The following ZDHHC3 variants were observed in gnomAD, a reference collection of about 807,000 sequenced individuals.
The protein encoded by ZDHHC3 is zDHHC palmitoyltransferase 3, also known as palmitoyltransferase ZDHHC3.
A neutral mutation model predicts 30.6 loss-of-function variants in ZDHHC3; 9 were observed. The ratio of observed to expected loss-of-function variants is 0.29; its 90% CI spans 0.18 to 0.51. ZDHHC3 has a LOEUF of 0.51. ZDHHC3 is among the 20% of genes least tolerant of loss of function. ZDHHC3 has a pLI of 0.97. For synonymous variants in ZDHHC3, 136 were observed against 140.2 expected (o/e 0.97, Z 0.21); for missense variants, 246 against 384.2 (o/e 0.64, Z 3.01).
Position 44,922,171 on chromosome 3 carries a change from T to A in ZDHHC3, c.*4518A>T, listed in dbSNP as rs1313033915. 1 of 985,430 alleles carries A rather than the reference T, an allele frequency of 1.0e-6. No homozygotes were observed. Among genetic ancestry groups the A allele is most frequent in the Non-Finnish European group, 1.2e-6 (1 of 829,936 alleles). The allele number at this position is 985,430 out of a possible 1,614,324, so 61.0% of individuals were successfully genotyped here. On this transcript the variant is annotated 3_prime_UTR_variant, in exon 7 of 7. Transcript: ENST00000424952. ...TTCTATGAGGTGATCCTAAGCCAGA[T>A]ACATATTTAAAGAATACAAGAAAAA... is the stretch of plus-strand genomic sequence containing the variant.
chr3:44,975,054 A>ATTTTTTT (rs75953495), intron 1 of ZDHHC3, among the ~76,000 whole-genome samples: 2 of 144,514 alleles, frequency 1.4e-5, no homozygotes, highest in Non-Finnish European at 3.0e-5. Flanking sequence ...GATAAATACC[A>ATTTTTTT]TTTTTTTTTT....
Position 44,920,341 on chromosome 3 carries a change from T to C in ZDHHC3, c.*6348A>G. On this transcript the variant is annotated 3_prime_UTR_variant, in exon 7 of 7. Transcript: ENST00000424952. The stretch of plus-strand genomic sequence containing the variant: ...TTCCTGGGTGATCATCTGCAGCCTG[T>C]TGAGAAAGAGGCTTTAACTTCATAG... 1 of 1,289,730 alleles carries C rather than the reference T, an allele frequency of 7.8e-7. No individual in the cohort carries two copies. Among genetic ancestry groups the C allele is most frequent in the Non-Finnish European group, 1.0e-6 (1 of 988,792 alleles). 79.9% of individuals were successfully genotyped at this position (1,289,730 alleles called of 1,614,324 possible).
Position 44,925,093 on chromosome 3 carries a change from C to A in ZDHHC3, c.*1596G>T, listed in dbSNP as rs1700875754. ...CAGAGCAATGAAACAAACACCCAAC[C>A]AGAGAAAACTCAAGTAGATTGTGGA... On this transcript the variant is annotated 3_prime_UTR_variant, in exon 7 of 7. Coordinates refer to ENST00000424952, the MANE Select transcript of ZDHHC3 (RefSeq NM_001135179.2). 1 of 985,872 alleles carries A rather than the reference C, an allele frequency of 1.0e-6. No homozygotes were observed. The highest frequency in any genetic ancestry group is 1.2e-6 in the Non-Finnish European group (1 of 829,940). The allele number at this position is 985,872 out of a possible 1,614,324, so 61.1% of individuals were successfully genotyped here. A position where few individuals can be genotyped will look rare whatever the true frequency, so the allele number is the denominator to read the frequency against.
At chr3:44,968,579 C>T (rs955054040) in intron 1 of ZDHHC3, among the ~76,000 whole-genome samples, 1 of 152,052 alleles carries the variant, frequency 6.6e-6, no homozygotes, top group Non-Finnish European at 1.5e-5. Flanking sequence ...GCTTATAGTC[C>T]CAGCTACTTG....
intron 2 of ZDHHC3, among the ~76,000 whole-genome samples, chr3:44,950,903 C>T (rs577224894): frequency 2.0e-5 from 3 of 152,292 alleles, no homozygotes; most frequent in South Asian, 4.1e-4. Flanking sequence ...CCCTACCCCA[C>T]GTTCTTACAC....
Position 44,926,234 on chromosome 3 carries a change from T to C in ZDHHC3, c.*455A>G, listed in dbSNP as rs1700976694. ...AGCATCCATCTTCGGTGAGGTTTTA[T>C]GTCCCATCGGGGAGCCCGCCACTGC... On this transcript the variant is annotated 3_prime_UTR_variant, in exon 7 of 7. Transcript: ENST00000424952. 1.4e-5 allele frequency: 14 copies of C among 986,442 alleles called. No homozygotes were observed. The highest frequency in any genetic ancestry group is 1.7e-5 in the Non-Finnish European group (14 of 830,692). The allele number at this position is 986,442 out of a possible 1,614,324, so 61.1% of individuals were successfully genotyped here.
chr3:44,964,813 TTATAG>T (rs1274584084), intron 1 of ZDHHC3, among the ~76,000 whole-genome samples: 1 of 152,260 alleles, frequency 6.6e-6, no homozygotes, highest in African/African-American at 2.4e-5. Flanking sequence ...GTAACTTGAA[TTATAG>T]TAATCTATAT....
intron 1 of ZDHHC3, among the ~76,000 whole-genome samples, chr3:44,972,260 C>T (rs1223576960): frequency 3.3e-5 from 5 of 152,120 alleles, no homozygotes; most frequent in South Asian, 4.1e-4. Context: ...GCCAGGAGTT[C>T]GAGACCAGCC....
At chr3:44,930,129 A>T (rs1483372298) in intron 5 of ZDHHC3, among the ~76,000 whole-genome samples, 1 of 152,236 alleles carries the variant, frequency 6.6e-6, no homozygotes. Flanking sequence ...CCTGGCCTCC[A>T]GCCCCGGGGA....
At position 44,959,403 on chromosome 3, in the gene ZDHHC3, T is replaced by C. The variant is rs1368892243; in HGVS notation, c.34A>G (p.Ile12Val). Reference sequence around the variant, plus strand: ...TGGAGGTATTCTGGTTTCCGCTCAATGTTTCGGAAGTGGTGGGTGGGGATA... The same window carrying C: ...TGGAGGTATTCTGGTTTCCGCTCAACGTTTCGGAAGTGGTGGGTGGGGATA... ...MLIPTHHFRN[I>V]ERKPEYLQPE... The change falls in exon 2 of 7, where the codon ATT becomes GTT. Residue 12 changes from isoleucine (I) to valine (V), a missense_variant. Transcript: ENST00000424952. This position sits in a 1 kb window ranked among gnomAD's most constrained non-coding sequence, Gnocchi z 4.3. The C allele has an allele frequency of 1.2e-6, 2 of 1,614,168 alleles. No individual in the cohort carries two copies. The highest frequency in any genetic ancestry group is 3.3e-5 in the Admixed American group (2 of 60,028).
intron 2 of ZDHHC3, among the ~76,000 whole-genome samples, chr3:44,953,566 G>A (rs1703659665): frequency 6.6e-6 from 1 of 152,182 alleles, no homozygotes; most frequent in South Asian, 2.1e-4. Flanking sequence ...TCAGGGCCAT[G>A]GGATCAAAGC....
In ZDHHC3 at chr3:44,947,206, C is replaced by G. The variant is rs183442464; in HGVS notation, c.307-1914G>C. Among the ~76,000 whole-genome samples, 4 of 152,244 alleles carry G rather than the reference C, an allele frequency of 2.6e-5. No individual in the cohort carries two copies. In the East Asian group the frequency reaches 5.8e-4, roughly 22 times the overall value. On this transcript the variant is annotated intron_variant, in intron 2 of 6. Coordinates refer to ENST00000424952, the MANE Select transcript of ZDHHC3 (RefSeq NM_001135179.2). ...CTGGTAAGTGGTGGCACGTCAAAAC[C>G]ATTAAGAGAGCAGAAGGAAGTTCTG...
At chr3:44,962,538 A>AGGAAGGAAGGAAGGAG (rs745305977) in intron 1 of ZDHHC3, among the ~76,000 whole-genome samples, 1 of 146,832 alleles carries the variant, frequency 6.8e-6, no homozygotes, top group East Asian at 2.1e-4. Context: ...GAAGGAAGGA[A>AGGAAGGAAGGAAGGAG]GGAAGGGGAG....
chr3:44,949,588 G>A (rs1316117361), intron 2 of ZDHHC3, among the ~76,000 whole-genome samples: 8 of 152,196 alleles, frequency 5.3e-5, no homozygotes, highest in African/African-American at 1.9e-4. Flanking sequence ...AAAACTTGAG[G>A]AGCCACCCAA....
At chr3:44,949,490 T>A (rs1183724446) in intron 2 of ZDHHC3, among the ~76,000 whole-genome samples, 1 of 152,196 alleles carries the variant, frequency 6.6e-6, no homozygotes, top group African/African-American at 2.4e-5. Context: ...TTTTCTTGAC[T>A]ATATTTATGA....
chr3:44,927,325 A>C (rs1383275196), intron 6 of ZDHHC3, among the ~76,000 whole-genome samples: 1 of 152,220 alleles, frequency 6.6e-6, no homozygotes, highest in Non-Finnish European at 1.5e-5. Context: ...GGAAGTTTGA[A>C]GCTACCATGA....
At position 44,924,433 on chromosome 3, in the gene ZDHHC3, G is replaced by A; in HGVS notation, c.*2256C>T. 1.0e-6 allele frequency: 1 copy of A among 985,402 alleles called. No individual in the cohort carries two copies. Among genetic ancestry groups the A allele is most frequent in the Non-Finnish European group, 1.2e-6 (1 of 829,936 alleles). 61.0% of individuals were successfully genotyped at this position (985,402 alleles called of 1,614,324 possible). A position where few individuals can be genotyped will look rare whatever the true frequency, so the allele number is the denominator to read the frequency against. ...ACTGGTTTGAGAGCTCAGAAACATT[G>A]ACTCTTTCTAGCCAAGGCCTATACA... On this transcript the variant is annotated 3_prime_UTR_variant, in exon 7 of 7. Coordinates refer to ENST00000424952, the MANE Select transcript of ZDHHC3 (RefSeq NM_001135179.2).
At chr3:44,968,963 T>C (rs987773802) in intron 1 of ZDHHC3, among the ~76,000 whole-genome samples, 4 of 152,144 alleles carry the variant, frequency 2.6e-5, no homozygotes, top group African/African-American at 4.8e-5. Flanking sequence ...GTTTTCTAGG[T>C]CTAATGGATG....
chr3:44,920,697 G>T lies in ZDHHC3; in HGVS notation c.*5992C>A. 1.0e-6 allele frequency: 1 copy of T among 985,344 alleles called. No homozygotes were observed. The highest frequency in any genetic ancestry group is 1.2e-6 in the Non-Finnish European group (1 of 829,930). 61.0% of individuals were successfully genotyped at this position (985,344 alleles called of 1,614,324 possible). A position where few individuals can be genotyped will look rare whatever the true frequency, so the allele number is the denominator to read the frequency against. On this transcript the variant is annotated 3_prime_UTR_variant, in exon 7 of 7. Transcript: ENST00000424952. Reference sequence around the variant, plus strand: ...AGGCTGAGCTCAGTCAGAGAGAAGGGGAATGAAGCCAAGAGCCCACAGGAT... The same window carrying T: ...AGGCTGAGCTCAGTCAGAGAGAAGGTGAATGAAGCCAAGAGCCCACAGGAT...
Sources: allele counts gnomAD v4.1 joint callset (sites outside exome capture counted in the v4.1 genomes callset), GRCh38; gene constraint gnomAD v4.1.1; non-coding constraint Gnocchi (gnomAD v3.1); transcripts MANE v1.5; gene names NCBI Gene and HGNC (gene_info 2026-07-23, HGNC 2026-07-21).